Variants in FAM185A observed in about 807,000 individuals in gnomAD.
FAM185A encodes protein FAM185A.
Under a neutral mutation model 45.7 loss-of-function variants are expected in FAM185A, and 21 were observed. The ratio of observed to expected loss-of-function variants is 0.46; its 90% CI spans 0.33 to 0.66. The LOEUF is 0.66. Ranked by LOEUF, FAM185A falls within the 30% of genes least tolerant of loss-of-function variation. The pLI, the probability that FAM185A is intolerant of heterozygous loss-of-function variation, is 0.03. For missense variants in FAM185A, 305 were observed against 485.4 expected (o/e 0.63, Z 3.49); for synonymous variants, 117 against 194.0 (o/e 0.60, Z 3.30).
At chr7:102,829,638 T>C in the FAM185A span, among the ~76,000 whole-genome samples, 3 of 152,206 alleles carry the variant, frequency 2.0e-5, no homozygotes, top group Non-Finnish European at 4.4e-5. Flanking sequence ...CTCTGATTTG[T>C]AGCTATATTT....
chr7:102,749,732 G>C, intron 1 of FAM185A, 74 bp downstream of exon 1: 2 of 1,493,150 alleles, frequency 1.3e-6, no homozygotes, highest in South Asian at 2.7e-5. Flanking sequence ...TGGTCGACGT[G>C]CACTTTTAAT....
the FAM185A span, among the ~76,000 whole-genome samples, chr7:102,831,429 A>ACACC: frequency 6.7e-6 from 1 of 148,662 alleles, no homozygotes; most frequent in Non-Finnish European, 1.5e-5. Context: ...ACACACACAC[A>ACACC]CACCCCACTA....
intron 7 of FAM185A, among the ~76,000 whole-genome samples, chr7:102,805,797 C>T (rs1797078521): frequency 2.6e-5 from 4 of 152,100 alleles, no homozygotes; most frequent in African/African-American, 9.7e-5. Context: ...AAAGTCAAGA[C>T]ATCTAGAAGC....
chr7:102,830,190 TA>T, the FAM185A span, among the ~76,000 whole-genome samples: 1 of 152,156 alleles, frequency 6.6e-6, no homozygotes, highest in Non-Finnish European at 1.5e-5. Flanking sequence ...TCAGCCTTCA[TA>T]ACAAAAAACA....
At chr7:102,813,795 A>C (rs1797624851), downstream of FAM185A, among the ~76,000 whole-genome samples, 1 of 152,206 alleles carries the variant, frequency 6.6e-6, no homozygotes, top group South Asian at 2.1e-4. Context: ...ATGGAAGAGG[A>C]ACACTGAGGC....
intron 7 of FAM185A, among the ~76,000 whole-genome samples, chr7:102,805,283 A>G (rs950931561): frequency 5.3e-5 from 8 of 152,214 alleles, no homozygotes; most frequent in Non-Finnish European, 7.3e-5. Flanking sequence ...ACCAACCCAA[A>G]TACCCATCAA....
the FAM185A span, among the ~76,000 whole-genome samples, chr7:102,826,724 CATATATATATATATAT>C: frequency 0.012 from 732 of 62,730 alleles, 34 homozygotes; most frequent in Middle Eastern, 0.033. Context: ...GACCCTGTCT[CATATATATATATATAT>C]ATATATATAT....
At chr7:102,814,882 C>G in the FAM185A span, among the ~76,000 whole-genome samples, 180 of 152,310 alleles carry the variant, frequency 1.2e-3, 1 homozygote, top group East Asian at 0.031. Context: ...TACATATCCT[C>G]AAAGTAGAAC....
chr7:102,799,679 A>G (rs1246157430), intron 7 of FAM185A, among the ~76,000 whole-genome samples: 1 of 152,240 alleles, frequency 6.6e-6, no homozygotes, highest in African/African-American at 2.4e-5. Context: ...GCCCAGCGTA[A>G]TAAGACTACG....
the FAM185A span, among the ~76,000 whole-genome samples, chr7:102,842,992 C>T: frequency 6.6e-6 from 1 of 152,212 alleles, no homozygotes; most frequent in Admixed American, 6.5e-5. Context: ...CCGCCCTTCC[C>T]AGTCCCTTAT....
the FAM185A span, among the ~76,000 whole-genome samples, chr7:102,827,702 G>T: frequency 1.3e-5 from 2 of 151,950 alleles, no homozygotes; most frequent in African/African-American, 4.8e-5. Context: ...ACAGGCCATG[G>T]TGTGTGATGT....
chr7:102,762,029 T>G (rs1432391774), intron 4 of FAM185A, among the ~76,000 whole-genome samples: 1 of 152,096 alleles, frequency 6.6e-6, no homozygotes, highest in Admixed American at 6.5e-5. Context: ...GTAAAAGCAG[T>G]GTTAGGTAAA....
intron 2 of FAM185A, chr7:102,755,401 G>A: frequency 6.8e-6 from 4 of 589,770 alleles, no homozygotes; most frequent in South Asian, 6.0e-5. Flanking sequence ...GTTCACCCAG[G>A]CCCTGGAAGG....
At chr7:102,813,289 G>C (rs981329403), downstream of FAM185A, 1 of 1,510,118 alleles carries the variant, frequency 6.6e-7, no homozygotes, top group African/African-American at 1.4e-5. Flanking sequence ...GCAACAAATG[G>C]AGAAAACTTG....
intron 5 of FAM185A, among the ~76,000 whole-genome samples, chr7:102,776,511 T>G (rs1370436657): frequency 6.6e-6 from 1 of 152,048 alleles, no homozygotes; most frequent in African/African-American, 2.4e-5. Flanking sequence ...AAGATACCTG[T>G]TCAATTCCAG....
chr7:102,767,080 G>A (rs1318637420), intron 4 of FAM185A, among the ~76,000 whole-genome samples: 1 of 151,468 alleles, frequency 6.6e-6, no homozygotes, highest in Non-Finnish European at 1.5e-5. Context: ...ACAGGCATGA[G>A]CCACCGCACC....
chr7:102,805,717 G>A (rs534402442), intron 7 of FAM185A, among the ~76,000 whole-genome samples: 53 of 152,120 alleles, frequency 3.5e-4, no homozygotes, highest in African/African-American at 1.3e-3. Context: ...ATAAAATAAA[G>A]GTGGGGAGGC....
At chr7:102,789,100 AAATT>A (rs1224978675) in intron 7 of FAM185A, among the ~76,000 whole-genome samples, 3 of 152,190 alleles carry the variant, frequency 2.0e-5, no homozygotes, top group Non-Finnish European at 4.4e-5. Flanking sequence ...CTTCAATAAT[AAATT>A]AGCCTTAGTT....
intron 7 of FAM185A, 121 bp from the exon 8 acceptor site, chr7:102,808,169 A>C: frequency 1.4e-6 from 1 of 704,830 alleles, no homozygotes; most frequent in South Asian, 1.8e-5. Flanking sequence ...TGCCCAGTTC[A>C]GACTATCTTT....
Sources: gnomAD v4.1 joint callset for allele counts (sites outside exome capture counted in the v4.1 genomes callset) on GRCh38, gnomAD v4.1.1 for gene constraint, MANE v1.5 for transcripts, NCBI Gene and HGNC (gene_info 2026-07-23, HGNC 2026-07-21) for gene names.